The following UBE2G2 variants were observed in gnomAD, a reference collection of about 807,000 sequenced individuals.
UBE2G2 encodes ubiquitin conjugating enzyme E2 G2, also known as ubiquitin-conjugating enzyme E2 G2.
Under a neutral mutation model 23.0 loss-of-function variants are expected in UBE2G2, and 10 were observed. That is an observed-to-expected ratio of 0.43 (90% CI 0.27 to 0.74). UBE2G2 has a LOEUF of 0.74. Among genes scored for constraint, UBE2G2 ranks in the 30% least tolerant of loss-of-function variants. The pLI, the probability that UBE2G2 is intolerant of heterozygous loss-of-function variation, is 0.19. For synonymous variants in UBE2G2, 86 were observed against 81.3 expected, an observed-to-expected ratio of 1.06 and a Z score of -0.31; for missense variants, 150 against 218.3, an observed-to-expected ratio of 0.69 and a Z score of 1.97.
intron 1 of UBE2G2, chr21:44,801,263 G>C (rs1237349331): frequency 6.0e-6 from 6 of 993,172 alleles, no homozygotes; most frequent in Non-Finnish European, 6.0e-6. Context: ...TCCTTCATTA[G>C]AGGGAAAGCC....
intron 1 of UBE2G2, among the ~76,000 whole-genome samples, chr21:44,790,672 CATG>C (rs1383722508): frequency 1.3e-5 from 2 of 152,210 alleles, no homozygotes; most frequent in Non-Finnish European, 2.9e-5. Context: ...CGGCTTCTGT[CATG>C]ATAAGTTTCC....
chr21:44,790,819 A>G (rs997138111), intron 1 of UBE2G2, among the ~76,000 whole-genome samples: 13 of 152,230 alleles, frequency 8.5e-5, no homozygotes, highest in African/African-American at 2.9e-4. Context: ...GGGTACTGCT[A>G]TAAAGATAAC....
Position 44,772,089 on chromosome 21 carries a change from A to G in UBE2G2, c.386-600T>C, listed in dbSNP as rs748576211. On this transcript the variant is annotated intron_variant, in intron 5 of 5. Transcript: ENST00000345496. The surrounding 1 kb of genome is among the most constrained non-coding windows in gnomAD (Gnocchi z 5.4). ...TAGCCAGGGCCTGCCGGAAGGCAGAACGGAGAGAGACCACCAGAACTGGAT... is the reference window on the plus strand; with the variant it reads ...TAGCCAGGGCCTGCCGGAAGGCAGAGCGGAGAGAGACCACCAGAACTGGAT... 2.6e-5 allele frequency among the ~76,000 whole-genome samples: 4 copies of G among 152,228 alleles called. No individual in the cohort carries two copies. Among genetic ancestry groups the G allele is most frequent in the Non-Finnish European group, 5.9e-5 (4 of 68,026 alleles).
intron 3 of UBE2G2, among the ~76,000 whole-genome samples, chr21:44,779,715 C>A (rs2082942275): frequency 6.6e-6 from 1 of 152,216 alleles, no homozygotes; most frequent in African/African-American, 2.4e-5. Flanking sequence ...CAAACGATAA[C>A]CACCACCCAT....
chr21:44,799,631 G>T (rs1303699315), intron 1 of UBE2G2, among the ~76,000 whole-genome samples: 2 of 152,240 alleles, frequency 1.3e-5, no homozygotes, highest in African/African-American at 4.8e-5. Flanking sequence ...TTAAAGGAAT[G>T]TTATGGCTGG....
intron 4 of UBE2G2, among the ~76,000 whole-genome samples, chr21:44,775,635 G>A (rs1266519382): frequency 6.6e-6 from 1 of 152,052 alleles, no homozygotes; most frequent in Non-Finnish European, 1.5e-5. Flanking sequence ...AGTCACATAA[G>A]GTAATCAGTT....
chr21:44,781,689 G>A (rs1036600259), intron 3 of UBE2G2, among the ~76,000 whole-genome samples: 8 of 152,116 alleles, frequency 5.3e-5, no homozygotes, highest in Non-Finnish European at 1.0e-4. Flanking sequence ...CCCAGAGCAG[G>A]GCCCTGGCTC....
At chr21:44,774,658 A>C (rs1555960347) in intron 4 of UBE2G2, 2 of 454,398 alleles carry the variant, frequency 4.4e-6, no homozygotes, top group Non-Finnish European at 8.9e-6. Flanking sequence ...ACGCTCTACT[A>C]TCCAGGAACT....
In UBE2G2 at chr21:44,772,482, CT is replaced by C. The variant is rs5844198; in HGVS notation, c.386-994del. Among the ~76,000 whole-genome samples, 15,634 of 152,112 alleles carry C rather than the reference CT, an allele frequency of 0.1. 930 individuals carry two copies. The highest frequency in any genetic ancestry group is 0.13 in the African/African-American group (5,324 of 41,460). Reference sequence around the variant, plus strand: ...CTTTCCTTTCGGACTTGCCGCCTTCCTTTCCCACACCCTTCCTCCTGACTGC... The same window carrying C: ...CTTTCCTTTCGGACTTGCCGCCTTCCTTCCCACACCCTTCCTCCTGACTGC... On this transcript the variant is annotated intron_variant, in intron 5 of 5. Transcript: ENST00000345496. This position sits in a 1 kb window ranked among gnomAD's most constrained non-coding sequence, Gnocchi z 5.4.
intron 1 of UBE2G2, among the ~76,000 whole-genome samples, chr21:44,794,290 C>T (rs1016330919): frequency 5.9e-5 from 9 of 152,202 alleles, no homozygotes; most frequent in Non-Finnish European, 1.0e-4. Context: ...AACAACTGCA[C>T]TGCCATTTAC....
At chr21:44,799,465 T>A (rs1293015628) in intron 1 of UBE2G2, among the ~76,000 whole-genome samples, 1 of 152,254 alleles carries the variant, frequency 6.6e-6, no homozygotes, top group East Asian at 1.9e-4. Flanking sequence ...ACCTTGCTGC[T>A]TCACCTTGTG....
chr21:44,785,776 C>G (rs2146395304), intron 3 of UBE2G2: 1 of 152,290 alleles, frequency 6.6e-6, no homozygotes, highest in East Asian at 1.9e-4. Flanking sequence ...TAAACGGCCT[C>G]TTGTTTGTGA....
At position 44,771,458 on chromosome 21, in the gene UBE2G2, A is replaced by G. The variant is rs1487114797; in HGVS notation, c.417T>C (p.Asp139=). The change falls in exon 6 of 6, where the codon GAT becomes GAC. Residue 139 remains aspartate, a synonymous_variant. Transcript: ENST00000345496. The surrounding 1 kb of genome is among the most constrained non-coding windows in gnomAD (Gnocchi z 4.6). Reference sequence around the variant, plus strand: ...GGTCATCGCGCCACATTTTGGACGCATCCACGTTAGCTCCACTTTCGTCAT... The same window carrying G: ...GGTCATCGCGCCACATTTTGGACGCGTCCACGTTAGCTCCACTTTCGTCAT... ...EPNDESGANV[D]ASKMWRDDRE... The G allele has an allele frequency of 9.9e-6, 16 of 1,612,582 alleles. No individual in the cohort carries two copies. The highest frequency in any genetic ancestry group is 1.3e-5 in the African/African-American group (1 of 74,948).
rs2083137193 is a variant in UBE2G2 at position 44,801,495 on chromosome 21, T to A, written c.43+211A>T. On this transcript the variant is annotated intron_variant, in intron 1 of 5. Transcript: ENST00000345496. ...AACACGGCGCCGGCGCTGCCTTTAC[T>A]GATGCTGGGAAGGCTTCTCTTCACG... 11 of 1,084,882 alleles carry A rather than the reference T, an allele frequency of 1.0e-5. No individual in the cohort carries two copies. The South Asian group carries it at 2.2e-4, about 21-fold the overall frequency. 67.2% of individuals were successfully genotyped at this position (1,084,882 alleles called of 1,614,324 possible). A position where few individuals can be genotyped will look rare whatever the true frequency, so the allele number is the denominator to read the frequency against.
chr21:44,801,215 T>A (rs747835389), intron 1 of UBE2G2: 2 of 612,420 alleles, frequency 3.3e-6, no homozygotes, highest in Non-Finnish European at 4.1e-6. Flanking sequence ...CAACACTACC[T>A]AGGAGGAGTG....
chr21:44,772,036 G>C lies in UBE2G2; in HGVS notation c.386-547C>G, dbSNP rs112867819. Among the ~76,000 whole-genome samples the C allele has an allele frequency of 5.3e-5, 8 of 152,356 alleles. No individual in the cohort carries two copies. Among genetic ancestry groups the C allele is most frequent in the African/African-American group, 1.9e-4 (8 of 41,588 alleles). ...GCCAGCGGCACTGGCAGTCACTGCA[G>C]AACTGCAGTTAGGAGGCACGGAGGG... is the stretch of plus-strand genomic sequence containing the variant. On this transcript the variant is annotated intron_variant, in intron 5 of 5. Transcript: ENST00000345496. This position sits in a 1 kb window ranked among gnomAD's most constrained non-coding sequence, Gnocchi z 5.4.
chr21:44,771,303 C>T lies in UBE2G2; in HGVS notation c.*74G>A. 7.2e-7 allele frequency: 1 copy of T among 1,394,082 alleles called. No homozygotes were observed. The highest frequency in any genetic ancestry group is 1.0e-6 in the Non-Finnish European group (1 of 990,898). 86.4% of individuals were successfully genotyped at this position (1,394,082 alleles called of 1,614,324 possible). The stretch of plus-strand genomic sequence containing the variant: ...CTTGTTTGGTACCAGCACAGAGCAT[C>T]ACTGTCACTAAGTGTGCCGGGGGAG... On this transcript the variant is annotated 3_prime_UTR_variant, in exon 6 of 6. Coordinates refer to ENST00000345496, the MANE Select transcript of UBE2G2 (RefSeq NM_003343.6). This position sits in a 1 kb window ranked among gnomAD's most constrained non-coding sequence, Gnocchi z 4.6.
At chr21:44,784,906 G>C (rs1167305029) in intron 3 of UBE2G2, among the ~76,000 whole-genome samples, 2 of 152,198 alleles carry the variant, frequency 1.3e-5, no homozygotes, top group Admixed American at 6.5e-5. Flanking sequence ...GCAGGACACA[G>C]AGGACAGCAA....
At position 44,771,685 on chromosome 21, in the gene UBE2G2, A is replaced by G. The variant is rs2082876214; in HGVS notation, c.386-196T>C. ...GCAGGTCTCAACGAAAGCCACTCTC[A>G]TGACTCCTGCGTTCTGAGTGTCTGA... On this transcript the variant is annotated intron_variant, in intron 5 of 5. Transcript: ENST00000345496. The surrounding 1 kb of genome is among the most constrained non-coding windows in gnomAD (Gnocchi z 4.6). Among the ~76,000 whole-genome samples the G allele has an allele frequency of 6.6e-6, 1 of 152,088 alleles. No individual in the cohort carries two copies. Among genetic ancestry groups the G allele is most frequent in the African/African-American group, 2.4e-5 (1 of 41,396 alleles).
Sources: allele counts gnomAD v4.1 joint callset (sites outside exome capture counted in the v4.1 genomes callset), GRCh38; gene constraint gnomAD v4.1.1; non-coding constraint Gnocchi (gnomAD v3.1); transcripts MANE v1.5; gene names NCBI Gene and HGNC (gene_info 2026-07-23, HGNC 2026-07-21).